Variants in ARHGEF9 observed in about 807,000 individuals in gnomAD.
The protein encoded by ARHGEF9 is rho guanine nucleotide exchange factor 9.
Under a neutral mutation model 41.3 loss-of-function variants are expected in ARHGEF9, and 2 were observed. The observed-to-expected ratio is 0.05, with a 90% confidence interval of 0.02 to 0.15. The LOEUF is 0.15. Among genes scored for constraint, ARHGEF9 ranks in the 10% least tolerant of loss-of-function variants. The pLI is 1.00. For synonymous variants in ARHGEF9, 160 were observed against 154.4 expected (o/e 1.04, Z -0.27); for missense variants, 225 against 424.7 (o/e 0.53, Z 4.13).
intron 1 of ARHGEF9, among the ~76,000 whole-genome samples, chrX:63,743,740 G>A (rs1556429770): frequency 1.8e-5 from 2 of 111,991 alleles, no homozygotes; most frequent in African/African-American, 6.5e-5. Context: ...ATGGCTTGAT[G>A]GACTTAAGAA....
intron 2 of ARHGEF9, among the ~76,000 whole-genome samples, chrX:63,712,363 A>G (rs1328815701): frequency 1.5e-4 from 17 of 112,180 alleles, no homozygotes; most frequent in Non-Finnish European, 5.6e-5. Flanking sequence ...CAAAAGTAGA[A>G]ACAACCCAAA....
chrX:63,756,928 G>GA (rs200492405), intron 1 of ARHGEF9, among the ~76,000 whole-genome samples: 177 of 110,642 alleles, frequency 1.6e-3, no homozygotes, highest in African/African-American at 5.3e-3. Flanking sequence ...TTGTGAATAG[G>GA]AAAAAAAACA....
chrX:63,680,607 C>G (rs1281919376), intron 4 of ARHGEF9, among the ~76,000 whole-genome samples: 1 of 112,443 alleles, frequency 8.9e-6, no homozygotes, highest in African/African-American at 3.2e-5. Context: ...CTGCCGTGGC[C>G]TCTTTGGCAC....
chrX:63,765,089 A>G (rs2056092810), intron 1 of ARHGEF9, among the ~76,000 whole-genome samples: 1 of 111,694 alleles, frequency 9.0e-6, no homozygotes, highest in South Asian at 3.8e-4. Context: ...ATGAGATTGT[A>G]TCACAGGGGC....
At chrX:63,665,756 G>T in intron 7 of ARHGEF9, 130 bp downstream of exon 7, 1 of 875,754 alleles carries the variant, frequency 1.1e-6, no homozygotes, top group South Asian at 2.3e-5. Context: ...CAGAATTGCT[G>T]CCAATCTCCT....
chrX:63,729,652 C>G (rs1377267616), intron 1 of ARHGEF9, among the ~76,000 whole-genome samples: 1 of 112,145 alleles, frequency 8.9e-6, no homozygotes, highest in Non-Finnish European at 1.9e-5. Context: ...GAAGATGGAG[C>G]AGCATCATTC....
At chrX:63,752,044 T>C (rs2055672871) in intron 1 of ARHGEF9, among the ~76,000 whole-genome samples, 1 of 111,948 alleles carries the variant, frequency 8.9e-6, no homozygotes, top group South Asian at 3.7e-4. Context: ...CCCTTATTGC[T>C]GTCCCAGTTT....
intron 2 of ARHGEF9, among the ~76,000 whole-genome samples, chrX:63,717,823 G>A (rs2053405240): frequency 9.0e-6 from 1 of 111,588 alleles, no homozygotes; most frequent in Non-Finnish European, 1.9e-5. Context: ...TCAATTTAAT[G>A]ATGAGATCAC....
At chrX:63,778,317 G>A (rs782712888) in intron 1 of ARHGEF9, among the ~76,000 whole-genome samples, 4 of 112,176 alleles carry the variant, frequency 3.6e-5, no homozygotes, top group Non-Finnish European at 7.5e-5. Context: ...CTGAGATGCA[G>A]GTCACCAAGT....
chrX:63,756,653 T>A (rs1233753094), intron 1 of ARHGEF9, among the ~76,000 whole-genome samples: 5 of 112,608 alleles, frequency 4.4e-5, no homozygotes, highest in African/African-American at 1.6e-4. Context: ...TTCAGTTATA[T>A]ATAAATATAA....
At chrX:63,756,717 C>T (rs1321700981) in intron 1 of ARHGEF9, among the ~76,000 whole-genome samples, 3 of 112,003 alleles carry the variant, frequency 2.7e-5, no homozygotes, top group Admixed American at 1.9e-4. Context: ...ATAGTCAAAA[C>T]GGTTTGAAAA....
intron 6 of ARHGEF9, among the ~76,000 whole-genome samples, chrX:63,669,478 T>C (rs1654028813): frequency 8.9e-6 from 1 of 111,827 alleles, no homozygotes. Context: ...GGCTCCCATC[T>C]CACTCAAACT....
chrX:63,711,741 T>C (rs1465809596), intron 2 of ARHGEF9, among the ~76,000 whole-genome samples: 2 of 111,591 alleles, frequency 1.8e-5, no homozygotes, highest in Non-Finnish European at 3.8e-5. Flanking sequence ...TAGACAATAG[T>C]TTCTTAGATA....
chrX:63,782,844 A>G (rs782348438), intron 1 of ARHGEF9, among the ~76,000 whole-genome samples: 1 of 112,641 alleles, frequency 8.9e-6, no homozygotes, highest in African/African-American at 3.2e-5. Flanking sequence ...GTGCTTATTA[A>G]CATCCGCATT....
rs1410965278 is a variant in ARHGEF9, at chrX:63,779,124, C to A, written c.30+5992G>T. ...TAAGAAGCTCCAAACTTTCCCACATCTTCCTGTCTTCTTCTGAGCCCTCCA... is the reference window on the plus strand; with the variant it reads ...TAAGAAGCTCCAAACTTTCCCACATATTCCTGTCTTCTTCTGAGCCCTCCA... On this transcript the variant is annotated intron_variant, in intron 1 of 9. Transcript: ENST00000671741. Among the ~76,000 whole-genome samples, 5 of 111,737 alleles carry A rather than the reference C, an allele frequency of 4.5e-5. No individual in the cohort carries two copies. In the East Asian group the frequency reaches 1.4e-3, roughly 32 times the overall value.
At chrX:63,709,668 A>G (rs1214369872) in intron 2 of ARHGEF9, among the ~76,000 whole-genome samples, 1 of 111,979 alleles carries the variant, frequency 8.9e-6, no homozygotes, top group Non-Finnish European at 1.9e-5. Context: ...TCACCCTGAC[A>G]TTAAAATATT....
Position 63,638,226 on chromosome X carries a change from A to T in ARHGEF9, c.1391-17T>A. On this transcript the variant is annotated splice_polypyrimidine_tract_variant and intron_variant, in intron 9 of 9. Transcript: ENST00000671741. ...AGTTGACACCTAGAGTAGATGAGAG[A>T]TCAAAGGGAAAGGGTATAAGTTATG... is the stretch of plus-strand genomic sequence containing the variant. 2.6e-6 allele frequency: 3 copies of T among 1,163,103 alleles called. No homozygotes were observed. Among genetic ancestry groups the T allele is most frequent in the Non-Finnish European group, 3.5e-6 (3 of 867,454 alleles).
At chrX:63,678,208 C>G (rs1556364901) in intron 5 of ARHGEF9, 132 bp downstream of exon 5, 3 of 584,208 alleles carry the variant, frequency 5.1e-6, no homozygotes, top group Non-Finnish European at 8.6e-6. Flanking sequence ...ATGAGGCAAT[C>G]AAGAATGTAT....
At chrX:63,711,908 A>T (rs1556407134) in intron 2 of ARHGEF9, among the ~76,000 whole-genome samples, 1 of 112,749 alleles carries the variant, frequency 8.9e-6, no homozygotes, top group East Asian at 2.8e-4. Flanking sequence ...TGTAGTATTC[A>T]GAATATATGT....
Sources: allele counts gnomAD v4.1 joint callset (sites outside exome capture counted in the v4.1 genomes callset), GRCh38; gene constraint gnomAD v4.1.1; transcripts MANE v1.5; gene names NCBI Gene and HGNC (gene_info 2026-07-23, HGNC 2026-07-21).